GLYATL1: variants seen among roughly 807,000 people sequenced by gnomAD.
The protein encoded by GLYATL1 is glycine N-acyltransferase-like protein 1.
GLYATL1 carries 15 observed loss-of-function variants against 20.0 expected under a neutral mutation model. The observed-to-expected ratio is 0.75, with a 90% CI of 0.50 to 1.15. GLYATL1 has a LOEUF of 1.15. GLYATL1 is among the 50% of genes most tolerant of loss of function. GLYATL1 has a pLI of 0.00. For synonymous variants in GLYATL1, 151 were observed against 131.5 expected, an observed-to-expected ratio of 1.15 and a Z score of -1.01; for missense variants, 380 against 368.5, an observed-to-expected ratio of 1.03 and a Z score of -0.26.
chr11:58,953,728 A>G (rs77005762), intron 4 of GLYATL1, among the ~76,000 whole-genome samples: 1 of 152,288 alleles, frequency 6.6e-6, no homozygotes, highest in Admixed American at 6.5e-5. Flanking sequence ...GGGTTTGACC[A>G]TATTCAGGAA....
intron 4 of GLYATL1, among the ~76,000 whole-genome samples, chr11:58,950,256 A>C (rs1287218252): frequency 2.0e-5 from 3 of 151,038 alleles, no homozygotes; most frequent in Non-Finnish European, 4.4e-5. Context: ...CCGCCGCTGC[A>C]CTCCAGCCTT....
At chr11:58,940,739 A>C (rs1856080509) in intron 1 of GLYATL1, among the ~76,000 whole-genome samples, 1 of 152,190 alleles carries the variant, frequency 6.6e-6, no homozygotes, top group Non-Finnish European at 1.5e-5. Context: ...GAAGTTTATA[A>C]AGTTGTCACC....
At chr11:58,930,465 A>G (rs940988844) in intron 1 of GLYATL1, among the ~76,000 whole-genome samples, 11 of 152,354 alleles carry the variant, frequency 7.2e-5, no homozygotes, top group African/African-American at 2.6e-4. Context: ...ATATCCACAG[A>G]TAATATCATT....
intron 1 of GLYATL1, among the ~76,000 whole-genome samples, chr11:58,919,600 G>C (rs929334744): frequency 6.6e-6 from 1 of 152,060 alleles, no homozygotes; most frequent in Non-Finnish European, 1.5e-5. Flanking sequence ...TTTCTTCTCT[G>C]TCTGGGTGGG....
chr11:58,906,543 G>T (rs1472469743), intron 1 of GLYATL1, among the ~76,000 whole-genome samples: 1 of 152,140 alleles, frequency 6.6e-6, no homozygotes. Context: ...AAGGATTCCT[G>T]GAAAGAGGTG....
chr11:58,946,007 A>T (rs1015841169), intron 2 of GLYATL1, among the ~76,000 whole-genome samples: 1 of 152,206 alleles, frequency 6.6e-6, no homozygotes, highest in East Asian at 1.9e-4. Flanking sequence ...ATGGATAAAA[A>T]ATTTCAAAAA....
chr11:58,947,893 C>T lies in GLYATL1; in HGVS notation c.114C>T (p.Asn38=). ...YGSVYHINHG[N]PFNMEVLVDS... Reference sequence around the variant, plus strand: ...CTGTGTATCACATCAATCACGGGAACCCCTTCAACATGGAGGTGCTGGTGG... The same window carrying T: ...CTGTGTATCACATCAATCACGGGAATCCCTTCAACATGGAGGTGCTGGTGG... Residue 38 remains asparagine, a synonymous_variant, in exon 4 of 7, where the codon AAC becomes AAT. Transcript: ENST00000532726. 1.2e-6 allele frequency: 2 copies of T among 1,613,922 alleles called. No homozygotes were observed. The highest frequency in any genetic ancestry group is 1.7e-6 in the Non-Finnish European group (2 of 1,179,828).
At position 58,947,915 on chromosome 11, in the gene GLYATL1, G is replaced by A. The variant is rs755874502; in HGVS notation, c.136G>A (p.Val46Met). Residue 46 changes from valine (V) to methionine (M), a missense_variant, in exon 4 of 7, where the codon GTG (valine) becomes ATG (methionine). By Grantham distance (21) the Val-to-Met change is conservative (BLOSUM62 1). Transcript: ENST00000532726. ...GAACCCCTTCAACATGGAGGTGCTG[G>A]TGGATTCCTGGCCTGAATATCAGAT... is the stretch of plus-strand genomic sequence containing the variant. ...HGNPFNMEVL[V>M]DSWPEYQMVI... 4.3e-6 allele frequency: 7 copies of A among 1,614,058 alleles called. No homozygotes were observed. In the Admixed American group the frequency reaches 1.2e-4, roughly 27 times the overall value.
At chr11:58,919,676 G>A (rs1855261670) in intron 1 of GLYATL1, among the ~76,000 whole-genome samples, 1 of 152,162 alleles carries the variant, frequency 6.6e-6, no homozygotes, top group African/African-American at 2.4e-5. Flanking sequence ...CCTCCTGCCT[G>A]AAGCAGCTCA....
upstream of GLYATL1, among the ~76,000 whole-genome samples, chr11:58,938,248 T>C (rs1288071371): frequency 7.2e-5 from 11 of 152,196 alleles, no homozygotes; most frequent in Non-Finnish European, 1.6e-4. Context: ...GTGATAACAC[T>C]AGAATCTCAA....
intron 2 of GLYATL1, among the ~76,000 whole-genome samples, chr11:58,944,918 C>G (rs1362331539): frequency 6.6e-6 from 1 of 151,370 alleles, no homozygotes; most frequent in East Asian, 1.9e-4. Context: ...GTGAAATAAG[C>G]CAGACCCAAA....
At chr11:58,910,914 G>A (rs10896877), downstream of GLYATL1, among the ~76,000 whole-genome samples, 23,488 of 152,112 alleles carry the variant, frequency 0.15, 1,969 homozygotes, top group East Asian at 0.31. Flanking sequence ...AAGCAAAGCA[G>A]TTTTATCACC....
At chr11:58,945,989 T>C (rs1730863315) in intron 2 of GLYATL1, among the ~76,000 whole-genome samples, 1 of 152,352 alleles carries the variant, frequency 6.6e-6, no homozygotes, top group South Asian at 2.1e-4. Flanking sequence ...GTTAACTATT[T>C]TAACTTCATG....
At chr11:58,954,691 A>C in intron 4 of GLYATL1, 79 bp from the exon 5 acceptor site, 1 of 1,396,954 alleles carries the variant, frequency 7.2e-7, no homozygotes, top group Non-Finnish European at 9.7e-7. Flanking sequence ...TTGAACTTTC[A>C]TTTTTCTGAT....
At chr11:58,930,927 A>G (rs985358927) in intron 1 of GLYATL1, among the ~76,000 whole-genome samples, 1 of 152,164 alleles carries the variant, frequency 6.6e-6, no homozygotes, top group African/African-American at 2.4e-5. Context: ...TTTAAATCCT[A>G]ATCTCCATGG....
chr11:58,923,297 C>A (rs1855350798), upstream of GLYATL1, among the ~76,000 whole-genome samples: 1 of 152,200 alleles, frequency 6.6e-6, no homozygotes. Context: ...AAACTACGTG[C>A]AATTGCTTTG....
chr11:58,955,176 G>A lies in GLYATL1; in HGVS notation c.314G>A (p.Gly105Asp), dbSNP rs1195739223. ...VNWKQRLQIQ[G>D]LQESLGEGIR... ...ATTGCTTTCTTGGCTTTCTTCCCAG[G>A]TCTTCAAGAAAGTTTAGGTGAGGGG... The change falls in exon 6 of 7, where the codon GGT becomes GAT. Residue 105 changes from glycine (G) to aspartate (D), a missense_variant and splice_region_variant. By Grantham distance (94) the Gly-to-Asp change is moderately conservative. Coordinates refer to ENST00000532726, the MANE Select transcript of GLYATL1 (RefSeq NM_001389712.2). The A allele has an allele frequency of 1.9e-6, 3 of 1,612,230 alleles. No individual in the cohort carries two copies. Among genetic ancestry groups the A allele is most frequent in the African/African-American group, 1.3e-5 (1 of 74,840 alleles).
At chr11:58,940,239 T>G (rs999320285) in intron 1 of GLYATL1, among the ~76,000 whole-genome samples, 4 of 152,226 alleles carry the variant, frequency 2.6e-5, no homozygotes, top group African/African-American at 9.7e-5. Flanking sequence ...CTTTGGAGTC[T>G]GGAGAACTTT....
At chr11:58,927,441 T>C (rs544683384), upstream of GLYATL1, among the ~76,000 whole-genome samples, 4 of 152,360 alleles carry the variant, frequency 2.6e-5, no homozygotes, top group East Asian at 7.7e-4. Context: ...TTTGCACTTG[T>C]AAAAGCGCTG....
Sources: gnomAD v4.1 joint callset for allele counts (sites outside exome capture counted in the v4.1 genomes callset) on GRCh38, gnomAD v4.1.1 for gene constraint, MANE v1.5 for transcripts, NCBI Gene and HGNC (gene_info 2026-07-23, HGNC 2026-07-21) for gene names.